The following PBLD variants were observed in gnomAD, a reference collection of about 807,000 sequenced individuals.
PBLD encodes the protein phenazine biosynthesis like protein domain containing.
In PBLD, 26 loss-of-function variants were observed where a neutral mutation model predicts 31.3. That is an observed-to-expected ratio of 0.83 (90% CI 0.61 to 1.15). PBLD has a LOEUF of 1.15. Ranked by LOEUF, PBLD falls within the 50% of genes most tolerant of loss-of-function variation. The pLI, the probability that PBLD is intolerant of heterozygous loss-of-function variation, is 0.00. For missense variants in PBLD, 307 were observed against 351.7 expected (o/e 0.87, Z 1.02); for synonymous variants, 114 against 129.0 (o/e 0.88, Z 0.79).
intron 2 of PBLD, among the ~76,000 whole-genome samples, chr10:68,305,270 C>CTTTT (rs71009039): frequency 3.8e-4 from 52 of 136,002 alleles, no homozygotes; most frequent in Non-Finnish European, 4.6e-4. Context: ...ATCAGTCCTC[C>CTTTT]TTTTTTTTTT....
At chr10:68,288,773 G>A (rs1025451123) in intron 7 of PBLD, 112 bp from the exon 8 acceptor site, 1 of 1,326,456 alleles carries the variant, frequency 7.5e-7, no homozygotes, top group Non-Finnish European at 1.1e-6. Context: ...AACAGGAGGG[G>A]AAGGAAGAAC....
In PBLD at chr10:68,292,351, T is replaced by C. The variant is rs921290753; in HGVS notation, c.284-113A>G. The C allele has an allele frequency of 4.6e-5, 42 of 903,858 alleles. No homozygotes were observed. In the East Asian group the frequency reaches 1.0e-3, roughly 22 times the overall value. The allele number at this position is 903,858 out of a possible 1,614,324, so 56.0% of individuals were successfully genotyped here. On this transcript the variant is annotated intron_variant, in intron 4 of 9. Coordinates refer to ENST00000358769, the MANE Select transcript of PBLD (RefSeq NM_022129.4). ...TTTCTGGCACTGTCATCCTTTTCTA[T>C]GATGGAGCGAGGTTTGGGTTGCTGA...
Position 68,306,917 on chromosome 10 carries a change from G to C in PBLD, c.-59-14C>G, listed in dbSNP as rs1233199969. 2 of 1,224,536 alleles carry C rather than the reference G, an allele frequency of 1.6e-6. No homozygotes were observed. The highest frequency in any genetic ancestry group is 3.9e-5 in the Admixed American group (2 of 51,940). The allele number at this position is 1,224,536 out of a possible 1,614,324, so 75.9% of individuals were successfully genotyped here. A position where few individuals can be genotyped will look rare whatever the true frequency, so the allele number is the denominator to read the frequency against. ...GCTTTACGTCTTCTTCTTGGAAAAG[G>C]AAATCAAAAAGTTAATGTTTTACTT... On this transcript the variant is annotated splice_polypyrimidine_tract_variant and intron_variant, in intron 1 of 9. Coordinates refer to ENST00000358769, the MANE Select transcript of PBLD (RefSeq NM_022129.4).
intron 1 of PBLD, among the ~76,000 whole-genome samples, chr10:68,321,697 A>C (rs1159088118): frequency 1.3e-5 from 2 of 152,216 alleles, no homozygotes; most frequent in Non-Finnish European, 2.9e-5. Context: ...CTAGTACTAC[A>C]AAGTAAACCA....
chr10:68,296,131 T>C, intron 4 of PBLD, 135 bp downstream of exon 4: 1 of 615,336 alleles, frequency 1.6e-6, no homozygotes. Context: ...GTTTCTGCAT[T>C]ATGAATAGCA....
At chr10:68,326,711 C>T (rs2044926473) in intron 1 of PBLD, among the ~76,000 whole-genome samples, 1 of 152,184 alleles carries the variant, frequency 6.6e-6, no homozygotes, top group Non-Finnish European at 1.5e-5. Context: ...AATTACTAAT[C>T]TCCACCCCCT....
chr10:68,298,074 C>CT (rs2044455227), intron 2 of PBLD, among the ~76,000 whole-genome samples: 2 of 151,158 alleles, frequency 1.3e-5, no homozygotes, highest in Admixed American at 1.3e-4. Context: ...AAGACCACCC[C>CT]CCAGTCTCAA....
chr10:68,286,270 T>G (rs2044287153), intron 8 of PBLD, among the ~76,000 whole-genome samples: 1 of 151,744 alleles, frequency 6.6e-6, no homozygotes, highest in Non-Finnish European at 1.5e-5. Context: ...GTATTTTTAG[T>G]GTAGACAGGG....
chr10:68,296,189 G>A (rs2044424170), intron 4 of PBLD, 77 bp downstream of exon 4: 1 of 1,109,270 alleles, frequency 9.0e-7, no homozygotes, highest in East Asian at 2.6e-5. Context: ...TGGACCATCA[G>A]AAAAAGTGTG....
At chr10:68,302,556 G>A (rs934582658) in intron 2 of PBLD, among the ~76,000 whole-genome samples, 22 of 152,164 alleles carry the variant, frequency 1.4e-4, no homozygotes, top group African/African-American at 4.6e-4. Flanking sequence ...AACTAAAATT[G>A]ACAAAACATT....
intron 1 of PBLD, among the ~76,000 whole-genome samples, chr10:68,308,232 G>A (rs957513923): frequency 1.1e-4 from 16 of 152,142 alleles, no homozygotes; most frequent in African/African-American, 2.2e-4. Flanking sequence ...TTTACAATAC[G>A]TTTATGGATA....
At chr10:68,311,288 A>G (rs2044663953) in intron 1 of PBLD, among the ~76,000 whole-genome samples, 1 of 152,064 alleles carries the variant, frequency 6.6e-6, no homozygotes, top group Admixed American at 6.6e-5. Context: ...TACTAAAAAT[A>G]CAAAAATTAG....
At chr10:68,319,111 GGAAAA>G (rs1239392375) in intron 1 of PBLD, among the ~76,000 whole-genome samples, 5 of 115,514 alleles carry the variant, frequency 4.3e-5, no homozygotes, top group African/African-American at 1.3e-4. Context: ...AAGAAAGAAA[GGAAAA>G]AGAAAGAAAG....
intron 9 of PBLD, chr10:68,285,113 C>T (rs1452592547): frequency 7.5e-7 from 1 of 1,325,284 alleles, no homozygotes; most frequent in Non-Finnish European, 9.6e-7. Context: ...TCAACAAACA[C>T]TTATTGGGCA....
intron 1 of PBLD, among the ~76,000 whole-genome samples, chr10:68,320,716 C>T (rs2134531976): frequency 6.6e-6 from 1 of 151,210 alleles, no homozygotes; most frequent in South Asian, 2.1e-4. Flanking sequence ...TGGGGTTTCA[C>T]TATGTTGCCC....
intron 2 of PBLD, among the ~76,000 whole-genome samples, chr10:68,300,596 A>T (rs1352059710): frequency 2.0e-5 from 3 of 151,260 alleles, no homozygotes; most frequent in African/African-American, 7.3e-5. Flanking sequence ...TCCCCAGGTG[A>T]TCGTGTGCAC....
chr10:68,328,321 G>T (rs910761878), intron 1 of PBLD, among the ~76,000 whole-genome samples: 2 of 152,168 alleles, frequency 1.3e-5, no homozygotes, highest in African/African-American at 4.8e-5. Context: ...GGGGATATGT[G>T]AACAAATATC....
chr10:68,316,773 G>A (rs922839474), intron 1 of PBLD, among the ~76,000 whole-genome samples: 1 of 152,196 alleles, frequency 6.6e-6, no homozygotes, highest in African/African-American at 2.4e-5. Flanking sequence ...AGCACTTTGG[G>A]AGGCTGAGGA....
intron 1 of PBLD, chr10:68,331,283 T>C (rs150471234): frequency 6.6e-6 from 1 of 152,090 alleles, no homozygotes; most frequent in East Asian, 1.9e-4. Flanking sequence ...AACGCAAAAC[T>C]ATAAAAAAAA....
Sources: gnomAD v4.1 joint callset for allele counts (sites outside exome capture counted in the v4.1 genomes callset) on GRCh38, gnomAD v4.1.1 for gene constraint, MANE v1.5 for transcripts, NCBI Gene and HGNC (gene_info 2026-07-23, HGNC 2026-07-21) for gene names.